Variants in C19orf81 observed in about 807,000 individuals in gnomAD.
The protein encoded by C19orf81 is chromosome 19 open reading frame 81, also known as putative uncharacterized protein C19orf81.
A neutral mutation model predicts 22.1 loss-of-function variants in C19orf81; 19 were observed. The observed-to-expected ratio is 0.86, with a 90% confidence interval of 0.60 to 1.26. C19orf81 has a LOEUF of 1.26. Among genes scored for constraint, C19orf81 ranks in the 50% most tolerant of loss-of-function variants. C19orf81 has a pLI of 0.00. For synonymous variants in C19orf81, 108 were observed against 113.1 expected (o/e 0.95, Z 0.29); for missense variants, 287 against 280.7 (o/e 1.02, Z -0.16).
At chr19:50,654,964 A>G (rs1984962032) in intron 1 of C19orf81, among the ~76,000 whole-genome samples, 1 of 152,206 alleles carries the variant, frequency 6.6e-6, no homozygotes, top group African/African-American at 2.4e-5. Flanking sequence ...GTTGCTTGCC[A>G]TATCTGAACA....
At chr19:50,649,878 CA>C in intron 1 of C19orf81, 1 of 465,960 alleles carries the variant, frequency 2.1e-6, no homozygotes, top group Non-Finnish European at 4.3e-6. Flanking sequence ...TTTCCATTTT[CA>C]AATGGCCCCA....
At chr19:50,656,823 G>GCA (rs1985003967) in intron 3 of C19orf81, among the ~76,000 whole-genome samples, 1 of 151,984 alleles carries the variant, frequency 6.6e-6, no homozygotes, top group Non-Finnish European at 1.5e-5. Flanking sequence ...GTGGTGGCAG[G>GCA]TGGCTGGAAT....
rs557196700 is a variant in C19orf81, at chr19:50,658,003, T to C, written c.276T>C (p.Phe92=). The change falls in exon 4 of 5, where the codon TTT becomes TTC. Residue 92 remains phenylalanine, a synonymous_variant. Coordinates refer to ENST00000425202, the MANE Select transcript of C19orf81 (RefSeq NM_001195076.2). The part of the protein sequence containing the change: ...LCMETLPEED[F]THLEVLQALE... ...GACACCCGCAGCCCGAGGAGGATTT[T>C]ACCCACCTGGAGGTGCTGCAAGCCC... The C allele has an allele frequency of 3.2e-4, 484 of 1,531,892 alleles. 5 individuals are homozygous for C. The East Asian group carries it at 0.012, about 37-fold the overall frequency. The allele number at this position is 1,531,892 out of a possible 1,614,324, so 94.9% of individuals were successfully genotyped here.
In C19orf81 at chr19:50,649,501, C is replaced by T; in HGVS notation, c.57C>T (p.His19=). 1 of 1,536,210 alleles carries T rather than the reference C, an allele frequency of 6.5e-7. No individual in the cohort carries two copies. The highest frequency in any genetic ancestry group is 1.7e-4 in the Middle Eastern group (1 of 5,990). Residue 19 remains histidine, a synonymous_variant, in exon 1 of 5, where the codon CAC becomes CAT. Transcript: ENST00000425202. ...CFPAMGSPTM[H]RKAGALLMDL... ...CTGCCATGGGCAGCCCCACCATGCA[C>T]AGGAAGGCAGGTACTGAGCTGTGTC... is the stretch of plus-strand genomic sequence containing the variant.
At chr19:50,657,125 C>T (rs1352652851) in intron 3 of C19orf81, among the ~76,000 whole-genome samples, 1 of 152,064 alleles carries the variant, frequency 6.6e-6, no homozygotes, top group Non-Finnish European at 1.5e-5. Flanking sequence ...GTCCCAGGCA[C>T]TCAACAATTG....
At chr19:50,652,665 G>C (rs141723555) in intron 1 of C19orf81, among the ~76,000 whole-genome samples, 8 of 152,186 alleles carry the variant, frequency 5.3e-5, no homozygotes, top group African/African-American at 1.9e-4. Flanking sequence ...GTCTGATCAC[G>C]TGTGGTCTTA....
intron 1 of C19orf81, among the ~76,000 whole-genome samples, chr19:50,653,819 C>T (rs1984933118): frequency 6.6e-6 from 1 of 150,852 alleles, no homozygotes; most frequent in Non-Finnish European, 1.5e-5. Flanking sequence ...GGAGGGTTCA[C>T]GGGGGTGGGG....
chr19:50,650,309 A>G (rs1984850091), intron 1 of C19orf81, among the ~76,000 whole-genome samples: 1 of 152,254 alleles, frequency 6.6e-6, no homozygotes, highest in Non-Finnish European at 1.5e-5. Context: ...CAGCTCATGC[A>G]GTTACACTCA....
rs571994021 is a variant in C19orf81 at position 50,656,362 on chromosome 19, C to T, written c.261+16C>T. 1.3e-6 allele frequency: 2 copies of T among 1,527,784 alleles called. No homozygotes were observed. Among genetic ancestry groups the T allele is most frequent in the South Asian group, 1.2e-5 (1 of 82,776 alleles). 94.6% of individuals were successfully genotyped at this position (1,527,784 alleles called of 1,614,324 possible). A position where few individuals can be genotyped will look rare whatever the true frequency, so the allele number is the denominator to read the frequency against. On this transcript the variant is annotated intron_variant, in intron 3 of 4. Transcript: ENST00000425202. Reference sequence around the variant, plus strand: ...GGAGACCTTGGTGAGTGGACCTGTGCCCTTATTTTCTGCACAGTTTTGGTG... The same window carrying T: ...GGAGACCTTGGTGAGTGGACCTGTGTCCTTATTTTCTGCACAGTTTTGGTG...
At chr19:50,658,439 A>G in intron 4 of C19orf81, 1 of 313,476 alleles carries the variant, frequency 3.2e-6, no homozygotes. Flanking sequence ...AGAGCCACTG[A>G]GGGGCGGGGC....
At chr19:50,657,881 A>C (rs1248797448) in intron 3 of C19orf81, 108 bp from the exon 4 acceptor site, 3 of 1,396,610 alleles carry the variant, frequency 2.1e-6, no homozygotes, top group Admixed American at 3.0e-5. Flanking sequence ...CTCAAATGCC[A>C]CCTGGAACTC....
chr19:50,655,935 C>T, intron 1 of C19orf81, 115 bp from the exon 2 acceptor site: 1 of 987,326 alleles, frequency 1.0e-6, no homozygotes, highest in Non-Finnish European at 1.5e-6. Flanking sequence ...AACTCAACAT[C>T]TGGCATACAA....
intron 3 of C19orf81, among the ~76,000 whole-genome samples, chr19:50,656,953 A>T (rs1186638711): frequency 6.8e-6 from 1 of 146,842 alleles, no homozygotes; most frequent in African/African-American, 2.7e-5. Flanking sequence ...CTCTGTCAAA[A>T]AAAAAAGGAA....
At position 50,656,283 on chromosome 19, in the gene C19orf81, G is replaced by A. The variant is rs1340844542; in HGVS notation, c.198G>A (p.Pro66=). ...ACGAGGCACTGGACCGAGAACTCCCGTGCATCCGGAAGTTCCCCACACCAC... is the reference window on the plus strand; with the variant it reads ...ACGAGGCACTGGACCGAGAACTCCCATGCATCCGGAAGTTCCCCACACCAC... ...AEYEALDREL[P]CIRKFPTPPA... The change falls in exon 3 of 5, where the codon CCG becomes CCA. Residue 66 remains proline (P), a synonymous_variant. Transcript: ENST00000425202. The A allele has an allele frequency of 1.0e-5, 16 of 1,536,030 alleles. No individual in the cohort carries two copies. Among genetic ancestry groups the A allele is most frequent in the East Asian group, 7.3e-5 (3 of 40,930 alleles).
intron 1 of C19orf81, among the ~76,000 whole-genome samples, chr19:50,650,647 G>A (rs1480792651): frequency 6.6e-6 from 1 of 152,276 alleles, no homozygotes; most frequent in Middle Eastern, 3.4e-3. Context: ...CTCCAGCCTG[G>A]GTGATGGAGG....
intron 1 of C19orf81, among the ~76,000 whole-genome samples, chr19:50,653,075 T>C (rs1220546977): frequency 1.3e-5 from 2 of 152,208 alleles, no homozygotes; most frequent in African/African-American, 2.4e-5. Flanking sequence ...TCTTGCTTTG[T>C]CGCCCAGGAT....
chr19:50,655,660 A>C (rs938360992), intron 1 of C19orf81, among the ~76,000 whole-genome samples: 5 of 151,734 alleles, frequency 3.3e-5, no homozygotes, highest in Non-Finnish European at 5.9e-5. Context: ...AAAAAAAAAA[A>C]CAAAAAACCT....
At chr19:50,655,939 C>T in intron 1 of C19orf81, 111 bp from the exon 2 acceptor site, 1 of 1,002,738 alleles carries the variant, frequency 1.0e-6, no homozygotes, top group Non-Finnish European at 1.5e-6. Flanking sequence ...CAACATCTGG[C>T]ATACAAGCTA....
chr19:50,657,169 G>A (rs1387577014), intron 3 of C19orf81, among the ~76,000 whole-genome samples: 1 of 152,130 alleles, frequency 6.6e-6, no homozygotes, highest in Non-Finnish European at 1.5e-5. Context: ...GGTGCTTACT[G>A]TGTGCCAGGC....
Sources: allele counts gnomAD v4.1 joint callset (sites outside exome capture counted in the v4.1 genomes callset), GRCh38; gene constraint gnomAD v4.1.1; transcripts MANE v1.5; gene names NCBI Gene and HGNC (gene_info 2026-07-23, HGNC 2026-07-21).